Variants in SCHIP1 observed in about 807,000 individuals in gnomAD.
SCHIP1 encodes schwannomin interacting protein 1.
A neutral mutation model predicts 29.7 loss-of-function variants in SCHIP1; 8 were observed. The ratio of observed to expected loss-of-function variants is 0.27; its 90% confidence interval spans 0.16 to 0.49. The LOEUF (loss-of-function observed/expected upper bound fraction) is 0.49, where lower values mean the gene tolerates loss of function less well. Among genes scored for constraint, SCHIP1 ranks in the 20% least tolerant of loss-of-function variants. The pLI, the probability that SCHIP1 is intolerant of heterozygous loss-of-function variation, is 0.99. For synonymous variants in SCHIP1, 76 were observed against 94.9 expected (o/e 0.80, Z 1.16); for missense variants, 193 against 294.6 (o/e 0.66, Z 2.52).
At chr3:159,543,518 T>A in the SCHIP1 span, among the ~76,000 whole-genome samples, 1 of 151,392 alleles carries the variant, frequency 6.6e-6, no homozygotes, top group South Asian at 2.1e-4. Context: ...ATTTCCAATT[T>A]CATCCATGTC....
chr3:159,582,651 T>G, the SCHIP1 span, among the ~76,000 whole-genome samples: 1 of 152,128 alleles, frequency 6.6e-6, no homozygotes, highest in Non-Finnish European at 1.5e-5. Context: ...ACATAACTTT[T>G]ATATGCACTG....
chr3:159,681,861 A>G, the SCHIP1 span, among the ~76,000 whole-genome samples: 121 of 149,750 alleles, frequency 8.1e-4, 1 homozygote, highest in African/African-American at 2.8e-3. Flanking sequence ...ACTTAGGTTA[A>G]CTTGGGTTAA....
At chr3:159,764,261 A>C in the SCHIP1 span, 15 of 594,410 alleles carry the variant, frequency 2.5e-5, no homozygotes, top group Non-Finnish European at 3.3e-5. The surrounding 1 kb of genome is among the most constrained non-coding windows in gnomAD (Gnocchi z 6.1). Context: ...GTGCGAGAGG[A>C]AAGGCGGGCA....
chr3:159,346,692 C>A, the SCHIP1 span, among the ~76,000 whole-genome samples: 1 of 152,180 alleles, frequency 6.6e-6, no homozygotes, highest in Non-Finnish European at 1.5e-5. Flanking sequence ...ACCCACAGCA[C>A]CCCCTTTGGG....
chr3:159,475,949 C>T, the SCHIP1 span, among the ~76,000 whole-genome samples: 1 of 152,108 alleles, frequency 6.6e-6, no homozygotes, highest in African/African-American at 2.4e-5. Context: ...GACAAGGACC[C>T]ACATTTCTGT....
the SCHIP1 span, among the ~76,000 whole-genome samples, chr3:159,696,285 C>T: frequency 6.6e-6 from 1 of 152,134 alleles, no homozygotes; most frequent in Non-Finnish European, 1.5e-5. Context: ...TCCTGTAACC[C>T]CTGCTGCTGA....
chr3:159,393,773 C>T, the SCHIP1 span, among the ~76,000 whole-genome samples: 14 of 151,306 alleles, frequency 9.3e-5, no homozygotes, highest in Non-Finnish European at 1.8e-4. Context: ...GTTCTTTTGG[C>T]TTAGGATTGA....
chr3:159,645,117 G>T, the SCHIP1 span, among the ~76,000 whole-genome samples: 1 of 152,064 alleles, frequency 6.6e-6, no homozygotes, highest in African/African-American at 2.4e-5. Flanking sequence ...TATTCCAGCG[G>T]GAAGAAAACG....
chr3:159,532,502 T>G, the SCHIP1 span, among the ~76,000 whole-genome samples: 1 of 152,262 alleles, frequency 6.6e-6, no homozygotes, highest in Non-Finnish European at 1.5e-5. Context: ...TAAGCATATT[T>G]AGTATTCAAA....
chr3:159,372,855 C>G, the SCHIP1 span, among the ~76,000 whole-genome samples: 1 of 152,032 alleles, frequency 6.6e-6, no homozygotes, highest in East Asian at 1.9e-4. Context: ...TTGTTTACAG[C>G]TGCTTTCATT....
chr3:159,445,337 A>C, the SCHIP1 span, among the ~76,000 whole-genome samples: 1 of 151,714 alleles, frequency 6.6e-6, no homozygotes, highest in East Asian at 1.9e-4. Flanking sequence ...ATACCATCTC[A>C]CACCAGTTAG....
At chr3:159,827,832 T>C in the SCHIP1 span, among the ~76,000 whole-genome samples, 2 of 147,562 alleles carry the variant, frequency 1.4e-5, no homozygotes, top group Non-Finnish European at 3.0e-5. Flanking sequence ...AAAAAGAAAA[T>C]AGAAACGCTG....
chr3:159,313,951 G>C, the SCHIP1 span, among the ~76,000 whole-genome samples: 2 of 152,206 alleles, frequency 1.3e-5, no homozygotes, highest in African/African-American at 4.8e-5. Flanking sequence ...GAATACCACA[G>C]AGGTAAAGTG....
the SCHIP1 span, among the ~76,000 whole-genome samples, chr3:159,433,806 A>G: frequency 6.6e-6 from 1 of 152,072 alleles, no homozygotes; most frequent in Non-Finnish European, 1.5e-5. Context: ...TAGCTTTTTT[A>G]TGACTCTTAA....
At chr3:159,625,903 C>T in the SCHIP1 span, among the ~76,000 whole-genome samples, 3 of 151,746 alleles carry the variant, frequency 2.0e-5, no homozygotes, top group Non-Finnish European at 2.9e-5. Flanking sequence ...AGAGAAGAAC[C>T]CAGCTAGCAA....
chr3:159,484,278 G>A, the SCHIP1 span, among the ~76,000 whole-genome samples: 1 of 152,150 alleles, frequency 6.6e-6, no homozygotes, highest in Non-Finnish European at 1.5e-5. Context: ...TTTATTGAAA[G>A]TATATTTTAA....
chr3:159,868,644 C>T (rs1419868315), intron 2 of SCHIP1, among the ~76,000 whole-genome samples: 1 of 152,066 alleles, frequency 6.6e-6, no homozygotes, highest in Admixed American at 6.6e-5. Flanking sequence ...TCCCCATGTT[C>T]TGCATTTGTA....
chr3:159,745,774 T>TA, the SCHIP1 span, among the ~76,000 whole-genome samples: 1 of 152,244 alleles, frequency 6.6e-6, no homozygotes, highest in South Asian at 2.1e-4. Context: ...GAAATCATCC[T>TA]ATTTTATCCT....
chr3:159,683,465 T>C, the SCHIP1 span, among the ~76,000 whole-genome samples: 1 of 152,178 alleles, frequency 6.6e-6, no homozygotes, highest in East Asian at 1.9e-4. Flanking sequence ...TTTGTAATAT[T>C]CTTTCTCAGC....
Sources: allele counts gnomAD v4.1 joint callset (sites outside exome capture counted in the v4.1 genomes callset), GRCh38; gene constraint gnomAD v4.1.1; non-coding constraint Gnocchi (gnomAD v3.1); transcripts MANE v1.5; gene names NCBI Gene and HGNC (gene_info 2026-07-23, HGNC 2026-07-21).